CDIN1: variants seen among roughly 807,000 people sequenced by gnomAD.
CDIN1 encodes the protein CDAN1-interacting nuclease 1.
A neutral mutation model predicts 45.3 loss-of-function variants in CDIN1; 33 were observed. That is an observed-to-expected ratio of 0.73 (90% CI 0.55 to 0.97). The LOEUF (loss-of-function observed/expected upper bound fraction) is 0.97. CDIN1 is among the 50% of genes least tolerant of loss of function. CDIN1 has a pLI of 0.00. For synonymous variants in CDIN1, 118 were observed against 124.4 expected, an observed-to-expected ratio of 0.95 and a Z score of 0.34; for missense variants, 303 against 339.4, an observed-to-expected ratio of 0.89 and a Z score of 0.84.
chr15:36,744,611 AT>A (rs537696995), intron 10 of CDIN1, among the ~76,000 whole-genome samples: 1 of 151,966 alleles, frequency 6.6e-6, no homozygotes, highest in African/African-American at 2.4e-5. Flanking sequence ...GAATGAATAC[AT>A]TTTTTTTCAA....
chr15:36,617,532 T>C (rs1156914774), intron 1 of CDIN1: 4 of 824,426 alleles, frequency 4.9e-6, no homozygotes, highest in Non-Finnish European at 8.7e-6. Flanking sequence ...AAATGGATAG[T>C]GATCAGTTCA....
chr15:36,597,202 T>C (rs1315838033), intron 1 of CDIN1, among the ~76,000 whole-genome samples: 1 of 152,240 alleles, frequency 6.6e-6, no homozygotes, highest in Non-Finnish European at 1.5e-5. Context: ...AGGTTCATAA[T>C]GGTTGGCTTG....
chr15:36,625,173 T>C (rs551801511), intron 1 of CDIN1, among the ~76,000 whole-genome samples: 10 of 151,558 alleles, frequency 6.6e-5, no homozygotes, highest in South Asian at 2.1e-4. Flanking sequence ...CCCAGCTACT[T>C]GGGAGGCTGA....
chr15:36,582,267 A>G (rs1219125303), intron 1 of CDIN1, among the ~76,000 whole-genome samples: 1 of 151,030 alleles, frequency 6.6e-6, no homozygotes, highest in Non-Finnish European at 1.5e-5. Flanking sequence ...TTCAGCTCTC[A>G]AACAGTCATA....
chr15:36,730,765 AT>A (rs562201714), intron 10 of CDIN1, among the ~76,000 whole-genome samples: 12 of 152,096 alleles, frequency 7.9e-5, no homozygotes, highest in Admixed American at 7.2e-4. Flanking sequence ...TTTAGCACTC[AT>A]TTTTTGAACA....
chr15:36,676,010 G>A (rs2041636427), intron 5 of CDIN1, among the ~76,000 whole-genome samples: 1 of 152,092 alleles, frequency 6.6e-6, no homozygotes, highest in African/African-American at 2.4e-5. Flanking sequence ...ATAATGGGCA[G>A]AAATTGAATA....
intron 10 of CDIN1, among the ~76,000 whole-genome samples, chr15:36,764,199 C>A (rs892094315): frequency 7.6e-6 from 1 of 131,110 alleles, no homozygotes; most frequent in African/African-American, 2.8e-5. Flanking sequence ...TTTTTATTTT[C>A]TTTCTGTGGT....
At chr15:36,619,087 A>C in intron 1 of CDIN1, 1 of 1,129,924 alleles carries the variant, frequency 8.9e-7, no homozygotes, top group Middle Eastern at 2.4e-4. Context: ...TGAGAAACCA[A>C]ATGAGAAGCC....
intron 10 of CDIN1, among the ~76,000 whole-genome samples, chr15:36,782,575 T>G (rs1595592423): frequency 6.6e-6 from 1 of 152,178 alleles, no homozygotes; most frequent in Admixed American, 6.5e-5. Flanking sequence ...AGAAAGAGCT[T>G]ACGAGCAAGC....
At chr15:36,666,304 T>TG (rs2041246330) in intron 5 of CDIN1, among the ~76,000 whole-genome samples, 1 of 152,126 alleles carries the variant, frequency 6.6e-6, no homozygotes, top group African/African-American at 2.4e-5. Context: ...ACTGATGAAA[T>TG]GTAGTAGACT....
intron 10 of CDIN1, among the ~76,000 whole-genome samples, chr15:36,789,945 A>G (rs908757434): frequency 2.0e-5 from 3 of 152,190 alleles, no homozygotes; most frequent in Non-Finnish European, 2.9e-5. Flanking sequence ...GTTTCAGTAA[A>G]ACTAATGCTT....
chr15:36,747,543 CTT>C (rs929132163), intron 10 of CDIN1, among the ~76,000 whole-genome samples: 5 of 152,086 alleles, frequency 3.3e-5, no homozygotes, highest in African/African-American at 1.2e-4. Flanking sequence ...AAATCACAGA[CTT>C]AGTCTTCTTA....
intron 1 of CDIN1, among the ~76,000 whole-genome samples, chr15:36,628,182 C>A (rs1206247001): frequency 6.6e-6 from 1 of 152,004 alleles, no homozygotes; most frequent in East Asian, 1.9e-4. Context: ...ATTTATCATC[C>A]CCTAAAAATT....
At chr15:36,619,469 T>TTCTATCTATCTATCTATCTA (rs58603040) in intron 1 of CDIN1, among the ~76,000 whole-genome samples, 2 of 147,054 alleles carry the variant, frequency 1.4e-5, no homozygotes. Context: ...GCTGGAGGAT[T>TTCTATCTATCTATCTATCTA]TCTATCTATC....
chr15:36,673,928 GA>G (rs1184601053), intron 5 of CDIN1, among the ~76,000 whole-genome samples: 1 of 152,018 alleles, frequency 6.6e-6, no homozygotes, highest in African/African-American at 2.4e-5. Context: ...GTGAGAATGA[GA>G]TTTTTTTTTC....
chr15:36,791,841 G>C (rs776579223), intron 10 of CDIN1, among the ~76,000 whole-genome samples: 25 of 152,070 alleles, frequency 1.6e-4, no homozygotes, highest in Non-Finnish European at 2.8e-4. Context: ...AGGCTGACAG[G>C]GACTACACCT....
At chr15:36,742,877 A>G (rs914771030) in intron 10 of CDIN1, among the ~76,000 whole-genome samples, 6 of 152,232 alleles carry the variant, frequency 3.9e-5, no homozygotes, top group African/African-American at 1.4e-4. Flanking sequence ...GGAATTTAGT[A>G]TGTTAAGTAC....
At chr15:36,795,682 CT>C (rs1223316354) in intron 10 of CDIN1, among the ~76,000 whole-genome samples, 1 of 151,558 alleles carries the variant, frequency 6.6e-6, no homozygotes, top group African/African-American at 2.4e-5. Flanking sequence ...CTGATCAGCT[CT>C]TGTTTTTATT....
chr15:36,635,167 C>G (rs1300206347), intron 1 of CDIN1, among the ~76,000 whole-genome samples: 1 of 152,072 alleles, frequency 6.6e-6, no homozygotes, highest in African/African-American at 2.4e-5. Flanking sequence ...AAAGATCTCC[C>G]CCTGACAGTT....
Sources: allele counts gnomAD v4.1 joint callset (sites outside exome capture counted in the v4.1 genomes callset), GRCh38; gene constraint gnomAD v4.1.1; transcripts MANE v1.5; gene names NCBI Gene and HGNC (gene_info 2026-07-23, HGNC 2026-07-21).